The following SVEP1 variants were observed in gnomAD, a reference collection of about 807,000 sequenced individuals.
The protein encoded by SVEP1 is sushi, von Willebrand factor type A, EGF and pentraxin domain-containing protein 1.
A neutral mutation model predicts 367.3 loss-of-function variants in SVEP1; 164 were observed. The observed-to-expected ratio is 0.45, with a 90% CI of 0.39 to 0.51. The LOEUF is 0.51. Among genes scored for constraint, SVEP1 ranks in the 20% least tolerant of loss-of-function variants. The probability of loss-of-function intolerance (pLI) is 0.00; values close to 1 mark genes in which losing one functional copy is unlikely to be tolerated. For synonymous variants in SVEP1, 1,666 were observed against 1,611.6 expected (o/e 1.03, Z -0.81); for missense variants, 4,117 against 4,425.3 (o/e 0.93, Z 1.98).
In SVEP1 at chr9:110,406,827, C is replaced by T. The variant is rs1827961662; in HGVS notation, c.8773G>A (p.Gly2925Ser). 6.2e-7 allele frequency: 1 copy of T among 1,613,938 alleles called. No homozygotes were observed. Among genetic ancestry groups the T allele is most frequent in the Non-Finnish European group, 8.5e-7 (1 of 1,179,874 alleles). The change falls in exon 38 of 48, where the codon GGT (glycine) becomes AGT (serine). Residue 2925 changes from glycine (G) to serine (S), a missense_variant. Transcript: ENST00000374469. ...GACTGACAGGTGAGTTTTGGAGCAC[C>T]GTGCAAGATGTAGCCCTCGTGACAG... ...FHCHEGYILH[G>S]APKLTCQSDG...
chr9:110,530,649 G>T (rs1443805778), intron 3 of SVEP1, among the ~76,000 whole-genome samples: 2 of 152,030 alleles, frequency 1.3e-5, no homozygotes, highest in African/African-American at 4.8e-5. Context: ...TGATTCTCCT[G>T]CCTCAGCCAC....
intron 17 of SVEP1, among the ~76,000 whole-genome samples, chr9:110,467,899 G>T (rs1828962642): frequency 6.6e-6 from 1 of 152,100 alleles, no homozygotes; most frequent in Admixed American, 6.5e-5. Context: ...GCCTCCCAAA[G>T]TGCTGGGATT....
chr9:110,435,352 C>T lies in SVEP1; in HGVS notation c.4777G>A (p.Ala1593Thr), dbSNP rs533849652. 5 of 1,613,032 alleles carry T rather than the reference C, an allele frequency of 3.1e-6. No individual in the cohort carries two copies. In the African/African-American group the frequency reaches 6.7e-5, roughly 22 times the overall value. ...VLSPQQVKSL[A>T]TSCPEELSKG... The stretch of plus-strand genomic sequence containing the variant: ...CTGAGTTCCTCTGGGCAGGAGGTAG[C>T]CAGTGACTTCACCTGAAAGTTTAAT... The change falls in exon 29 of 48, where the codon GCT becomes ACT. Residue 1593 changes from alanine to threonine, a missense_variant. By Grantham distance (58) the Ala-to-Thr change is moderately conservative (BLOSUM62 0). Coordinates refer to ENST00000374469, the MANE Select transcript of SVEP1 (RefSeq NM_153366.4).
chr9:110,501,495 T>A (rs1829528075), intron 6 of SVEP1, among the ~76,000 whole-genome samples: 1 of 147,182 alleles, frequency 6.8e-6, no homozygotes, highest in Non-Finnish European at 1.5e-5. Flanking sequence ...GTAGATTCAT[T>A]CTATTTTGTT....
chr9:110,550,131 T>C (rs373297866), intron 1 of SVEP1, 27 bp from the exon 2 acceptor site: 113 of 1,612,894 alleles, frequency 7.0e-5, no homozygotes, highest in Non-Finnish European at 9.4e-5. Flanking sequence ...AAAGTTAATA[T>C]GAGTGTGTAC....
rs561660196 is a variant in SVEP1, at chr9:110,539,560, TAATA to T, written c.964+6551_964+6554del. Among the ~76,000 whole-genome samples the T allele has an allele frequency of 7.2e-5, 11 of 151,900 alleles. No homozygotes were observed. The South Asian group carries it at 1.9e-3, about 26-fold the overall frequency. ...TAAGTTTAAAATGATCAAATATTGA[TAATA>T]AATATTGATAATATTATAAGGGACA... is the stretch of plus-strand genomic sequence containing the variant. On this transcript the variant is annotated intron_variant, in intron 3 of 47. Transcript: ENST00000374469.
chr9:110,394,349 T>C (rs559997022), intron 40 of SVEP1, among the ~76,000 whole-genome samples: 6 of 152,160 alleles, frequency 3.9e-5, no homozygotes, highest in Non-Finnish European at 8.8e-5. Context: ...AAAACCCATC[T>C]GTACGTCACC....
At chr9:110,548,389 T>C (rs1269893957) in intron 2 of SVEP1, among the ~76,000 whole-genome samples, 1 of 152,196 alleles carries the variant, frequency 6.6e-6, no homozygotes, top group Non-Finnish European at 1.5e-5. Context: ...TAGACAGTTA[T>C]TGAGTGCTGA....
At chr9:110,388,598 G>A (rs1008325574) in intron 41 of SVEP1, among the ~76,000 whole-genome samples, 1 of 152,048 alleles carries the variant, frequency 6.6e-6, no homozygotes, top group African/African-American at 2.4e-5. Flanking sequence ...ACTTCTTTCA[G>A]CCCAAAGTTG....
chr9:110,565,724 C>G (rs1830484008), intron 1 of SVEP1, among the ~76,000 whole-genome samples: 1 of 152,078 alleles, frequency 6.6e-6, no homozygotes, highest in Non-Finnish European at 1.5e-5. Flanking sequence ...AGTCCTGTAT[C>G]TGCTCCAACC....
At chr9:110,546,031 G>A in intron 3 of SVEP1, 84 bp downstream of exon 3, 3 of 1,447,126 alleles carry the variant, frequency 2.1e-6, no homozygotes, top group Admixed American at 4.1e-5. Flanking sequence ...GCAATAACAA[G>A]CATGTATTCC....
intron 16 of SVEP1, among the ~76,000 whole-genome samples, chr9:110,470,087 T>A (rs1237963909): frequency 1.6e-4 from 25 of 152,088 alleles, no homozygotes. Flanking sequence ...CACAGTTCCA[T>A]TACAGGAGAT....
intron 6 of SVEP1, among the ~76,000 whole-genome samples, chr9:110,502,277 G>A (rs1407589365): frequency 4.0e-5 from 6 of 151,512 alleles, no homozygotes; most frequent in African/African-American, 1.2e-4. Context: ...TATTTTTTTA[G>A]TATTTTTAGT....
intron 46 of SVEP1, among the ~76,000 whole-genome samples, chr9:110,372,392 G>T (rs1265912284): frequency 6.6e-6 from 1 of 152,096 alleles, no homozygotes; most frequent in African/African-American, 2.4e-5. Context: ...ATATGGTTGT[G>T]GTATGCTTAG....
At chr9:110,389,390 A>G (rs1427851307) in intron 41 of SVEP1, 134 bp downstream of exon 41, 12 of 981,286 alleles carry the variant, frequency 1.2e-5, no homozygotes, top group Non-Finnish European at 1.8e-5. Flanking sequence ...AAAGCCCATT[A>G]AAAGGTTCTC....
rs1298176486 is a variant in SVEP1, at chr9:110,406,852, G to A, written c.8748C>T (p.His2916=). ...DYGFMKEVTF[H]CHEGYILHGA... ...CGTGCAAGATGTAGCCCTCGTGACA[G>A]TGGAATGTTACTTCCTTCATGAAGC... is the stretch of plus-strand genomic sequence containing the variant. Residue 2916 remains histidine (H), a synonymous_variant, in exon 38 of 48, where the codon CAC becomes CAT. Transcript: ENST00000374469. 8 of 1,613,976 alleles carry A rather than the reference G, an allele frequency of 5.0e-6. No homozygotes were observed. Among genetic ancestry groups the A allele is most frequent in the African/African-American group, 1.3e-5 (1 of 75,038 alleles).
chr9:110,496,649 C>A (rs1829450937), intron 8 of SVEP1, among the ~76,000 whole-genome samples, 166 bp downstream of exon 8: 1 of 152,146 alleles, frequency 6.6e-6, no homozygotes, highest in South Asian at 2.1e-4. Context: ...GTCAATAGTC[C>A]TTAATAAACT....
At chr9:110,485,777 AAGCT>A (rs1829267979) in intron 9 of SVEP1, among the ~76,000 whole-genome samples, 1 of 152,188 alleles carries the variant, frequency 6.6e-6, no homozygotes, top group Non-Finnish European at 1.5e-5. Flanking sequence ...TGAGGTCAGT[AAGCT>A]ATTAAATTGT....
intron 4 of SVEP1, 127 bp from the exon 5 acceptor site, chr9:110,513,232 C>T (rs889344604): frequency 1.2e-5 from 11 of 894,880 alleles, no homozygotes; most frequent in South Asian, 2.0e-5. Flanking sequence ...TTCCATTTAC[C>T]GCATTTGGAT....
Sources: gnomAD v4.1 joint callset for allele counts (sites outside exome capture counted in the v4.1 genomes callset) on GRCh38, gnomAD v4.1.1 for gene constraint, MANE v1.5 for transcripts, NCBI Gene and HGNC (gene_info 2026-07-23, HGNC 2026-07-21) for gene names.